The following BIRC6 variants were observed in gnomAD, a reference collection of about 807,000 sequenced individuals.
BIRC6 encodes the protein dual E2 ubiquitin-conjugating enzyme/E3 ubiquitin-protein ligase BIRC6.
BIRC6 carries 98 observed loss-of-function variants against 503.3 expected under a neutral mutation model. The ratio of observed to expected loss-of-function variants is 0.19; its 90% CI spans 0.17 to 0.23. The LOEUF is 0.23. Ranked by LOEUF, BIRC6 falls within the 10% of genes least tolerant of loss-of-function variation. The pLI is 1.00. For missense variants in BIRC6, 5,360 were observed against 5,806.0 expected (o/e 0.92, Z 2.50); for synonymous variants, 2,240 against 2,078.7 (o/e 1.08, Z -2.11).
chr2:32,440,622 T>G lies in BIRC6; in HGVS notation c.3811-707T>G, dbSNP rs566673045. Among the ~76,000 whole-genome samples, 89 of 152,302 alleles carry G rather than the reference T, an allele frequency of 5.8e-4. 1 individual carries two copies. Among genetic ancestry groups the G allele is most frequent in the Admixed American group, 4.1e-3 (63 of 15,294 alleles). On this transcript the variant is annotated intron_variant, in intron 16 of 73. Coordinates refer to ENST00000421745, the MANE Select transcript of BIRC6 (RefSeq NM_016252.4). ...TGTACTTTATCTGATGTAATCTTCA[T>G]TATAACTCTGAAGTAGGCATAGCAG...
At chr2:32,530,294 T>G (rs2056626293) in intron 60 of BIRC6, among the ~76,000 whole-genome samples, 1 of 152,164 alleles carries the variant, frequency 6.6e-6, no homozygotes, top group Non-Finnish European at 1.5e-5. Flanking sequence ...CACTGCAACC[T>G]CCGCCTCCCG....
At chr2:32,436,920 G>C (rs1158296794) in intron 15 of BIRC6, among the ~76,000 whole-genome samples, 1 of 112,944 alleles carries the variant, frequency 8.9e-6, no homozygotes, top group East Asian at 2.6e-4. Flanking sequence ...ACAGAGTTTT[G>C]CTCTGTTACC....
chr2:32,458,848 A>G (rs969578142), intron 23 of BIRC6, among the ~76,000 whole-genome samples: 3 of 151,852 alleles, frequency 2.0e-5, no homozygotes, highest in Admixed American at 6.6e-5. Flanking sequence ...ATGCACCACC[A>G]TCAGTGAATT....
chr2:32,524,767 C>CT (rs1410484650), intron 57 of BIRC6, 121 bp from the exon 58 acceptor site: 7 of 685,296 alleles, frequency 1.0e-5, no homozygotes, highest in African/African-American at 1.9e-5. Context: ...TCCTAAATTC[C>CT]TTTATATTGC....
intron 13 of BIRC6, 59 bp downstream of exon 13, chr2:32,433,863 C>T: frequency 7.4e-7 from 1 of 1,350,358 alleles, no homozygotes; most frequent in Non-Finnish European, 1.0e-6. Flanking sequence ...TTTCTGAAAA[C>T]TAATTTTCAC....
rs2054287725 is a variant in BIRC6, at chr2:32,510,580, C to T, written c.10292C>T (p.Thr3431Met). ...GRLNGLSSDS[T>M]IDILYQLGTT... ...CTAAATGGACTCTCTTCTGACTCTACGATAGATATTCTTTACCAGCTTGGA... is the reference window on the plus strand; with the variant it reads ...CTAAATGGACTCTCTTCTGACTCTATGATAGATATTCTTTACCAGCTTGGA... Residue 3431 changes from threonine (T) to methionine (M), a missense_variant, in exon 53 of 74, where the codon ACG becomes ATG. Physicochemically the swap from Thr to Met is moderately conservative, Grantham distance 81 (BLOSUM62 -1). This residue lies in a region of BIRC6 where 878 missense variants were observed against 928.9 expected (regional missense o/e 0.95). Transcript: ENST00000421745. The T allele has an allele frequency of 1.2e-6, 2 of 1,609,992 alleles. No individual in the cohort carries two copies. The highest frequency in any genetic ancestry group is 1.3e-5 in the African/African-American group (1 of 74,834).
rs1574324352 is a variant in BIRC6 at position 32,454,046 on chromosome 2, T to G, written c.4753+104T>G. On this transcript the variant is annotated intron_variant, in intron 23 of 73. Coordinates refer to ENST00000421745, the MANE Select transcript of BIRC6 (RefSeq NM_016252.4). ...TTTCTAATTATGTAATTTTCATTGC[T>G]GTTAAGTGGAAATTTATTTGTGGGA... 4.0e-6 allele frequency: 4 copies of G among 1,000,112 alleles called. No homozygotes were observed. The East Asian group carries it at 1.2e-4, about 29-fold the overall frequency. The allele number at this position is 1,000,112 out of a possible 1,614,324, so 62.0% of individuals were successfully genotyped here.
chr2:32,524,743 C>T (rs1398333541), intron 57 of BIRC6, 145 bp from the exon 58 acceptor site: 2 of 484,606 alleles, frequency 4.1e-6, no homozygotes, highest in Non-Finnish European at 6.5e-6. Context: ...CAGGCCTTTA[C>T]CTCATGCCAT....
chr2:32,396,987 C>T (rs144846608), intron 6 of BIRC6, among the ~76,000 whole-genome samples: 9 of 152,194 alleles, frequency 5.9e-5, no homozygotes, highest in East Asian at 1.9e-4. Context: ...CTCAGCCTTC[C>T]GAAGTGTTGG....
chr2:32,504,606 G>T (rs1435058174), intron 49 of BIRC6, among the ~76,000 whole-genome samples: 1 of 152,094 alleles, frequency 6.6e-6, no homozygotes, highest in Non-Finnish European at 1.5e-5. Context: ...GGCGGAGCTT[G>T]CAGTGAGCTG....
At chr2:32,468,817 G>A (rs1406187872) in intron 29 of BIRC6, 34 bp downstream of exon 29, 1 of 1,441,304 alleles carries the variant, frequency 6.9e-7, no homozygotes, top group Non-Finnish European at 9.5e-7. Flanking sequence ...TAAAGGCTGG[G>A]AATATACTTG....
At chr2:32,510,066 G>T (rs931568453) in intron 52 of BIRC6, 72 bp downstream of exon 52, 1 of 1,505,424 alleles carries the variant, frequency 6.6e-7, no homozygotes, top group Non-Finnish European at 9.0e-7. Context: ...TGCGATCTTC[G>T]TGCTTAACTC....
intron 68 of BIRC6, among the ~76,000 whole-genome samples, chr2:32,595,605 T>C (rs539933174): frequency 6.6e-6 from 1 of 152,258 alleles, no homozygotes; most frequent in African/African-American, 2.4e-5. Flanking sequence ...GCAAAAAGAT[T>C]ATATCAGTAC....
chr2:32,533,915 T>C (rs988536408), intron 61 of BIRC6, among the ~76,000 whole-genome samples: 3 of 152,256 alleles, frequency 2.0e-5, no homozygotes, highest in African/African-American at 4.8e-5. Context: ...CAATGTGTTA[T>C]AGCAGCAGTA....
chr2:32,464,894 A>G (rs777473621), intron 25 of BIRC6, 71 bp downstream of exon 25: 8 of 1,516,196 alleles, frequency 5.3e-6, no homozygotes, highest in Non-Finnish European at 7.1e-6. Flanking sequence ...TAACTTTAGA[A>G]GGCAAAATTT....
chr2:32,362,218 G>A (rs1404735884), intron 1 of BIRC6, among the ~76,000 whole-genome samples: 1 of 151,918 alleles, frequency 6.6e-6, no homozygotes, highest in Non-Finnish European at 1.5e-5. Flanking sequence ...GTTGTGTAGT[G>A]GTATCTCCTT....
In BIRC6 at chr2:32,531,417, A is replaced by G. The variant is rs747287206; in HGVS notation, c.12157A>G (p.Met4053Val). Residue 4053 changes from methionine to valine, a missense_variant, in exon 61 of 74, where the codon ATG (methionine) becomes GTG (valine). Transcript: ENST00000421745. Reference protein sequence around the residue: ...DEALTPGDECMDGILDESLLE... With the variant: ...DEALTPGDECVDGILDESLLE... ...GGCTCTCACTCCAGGTGATGAATGC[A>G]TGGATGGGATACTGGATGAATCTTT... is the stretch of plus-strand genomic sequence containing the variant. 1.1e-5 allele frequency: 17 copies of G among 1,613,902 alleles called. No homozygotes were observed. In the South Asian group the frequency reaches 1.5e-4, roughly 15 times the overall value.
At chr2:32,567,999 C>T (rs1302218475) in intron 65 of BIRC6, among the ~76,000 whole-genome samples, 1 of 152,074 alleles carries the variant, frequency 6.6e-6, no homozygotes, top group Non-Finnish European at 1.5e-5. Flanking sequence ...GTACTCCCAG[C>T]TACTTGGGAG....
intron 9 of BIRC6, among the ~76,000 whole-genome samples, chr2:32,409,644 A>C (rs1480674060): frequency 1.3e-5 from 2 of 152,174 alleles, no homozygotes; most frequent in East Asian, 3.8e-4. Flanking sequence ...TTTGGTAGGA[A>C]GTTAAAGAAG....
Sources: gnomAD v4.1 joint callset for allele counts (sites outside exome capture counted in the v4.1 genomes callset) on GRCh38, gnomAD v4.1.1 for gene constraint, gnomAD v4.1.1 regional missense constraint, MANE v1.5 for transcripts, NCBI Gene and HGNC (gene_info 2026-07-23, HGNC 2026-07-21) for gene names.